Variants in KIF26B observed in about 807,000 individuals in gnomAD.
KIF26B encodes kinesin family member 26B, also known as kinesin-like protein KIF26B.
A neutral mutation model predicts 151.2 loss-of-function variants in KIF26B; 63 were observed. The observed-to-expected ratio is 0.42, with a 90% CI of 0.34 to 0.51. The LOEUF is 0.51. Among genes scored for constraint, KIF26B ranks in the 20% least tolerant of loss-of-function variants. The pLI, the probability that KIF26B is intolerant of heterozygous loss-of-function variation, is 0.07. For synonymous variants in KIF26B, 1,357 were observed against 1,262.1 expected (o/e 1.08, Z -1.59); for missense variants, 2,813 against 2,913.6 (o/e 0.97, Z 0.79).
chr1:245,317,426 G>A (rs1402459772), intron 2 of KIF26B, among the ~76,000 whole-genome samples: 1 of 152,210 alleles, frequency 6.6e-6, no homozygotes, highest in Non-Finnish European at 1.5e-5. Flanking sequence ...AGCTGGAAGG[G>A]AGGCCGTTTG....
intron 5 of KIF26B, among the ~76,000 whole-genome samples, chr1:245,571,009 T>C (rs1616300): frequency 0.76 from 115,358 of 152,164 alleles, 44,550 homozygotes; most frequent in African/African-American, 0.91. Flanking sequence ...ATGATAATAG[T>C]ATCTGCTTTC....
chr1:245,688,844 C>A (rs779118146), intron 12 of KIF26B, 37 bp downstream of exon 12: 11 of 1,527,964 alleles, frequency 7.2e-6, no homozygotes, highest in Non-Finnish European at 9.7e-6. Context: ...GTGAGGAGGG[C>A]GGCAGGTGGG....
chr1:245,379,498 G>A (rs1477150138), intron 3 of KIF26B, among the ~76,000 whole-genome samples: 1 of 147,274 alleles, frequency 6.8e-6, no homozygotes, highest in African/African-American at 2.5e-5. Flanking sequence ...TTTGGTTTGT[G>A]ATTCTTACCG....
intron 5 of KIF26B, among the ~76,000 whole-genome samples, chr1:245,573,170 A>C (rs1410957781): frequency 6.6e-6 from 1 of 152,206 alleles, no homozygotes; most frequent in Non-Finnish European, 1.5e-5. Flanking sequence ...AATTTTATCT[A>C]AATTAAAATG....
In KIF26B at chr1:245,656,798, AT is replaced by A. The variant is rs112311630; in HGVS notation, c.2258+10529del. On this transcript the variant is annotated intron_variant, in intron 10 of 14. Transcript: ENST00000407071. ...TTCAGGCCCAATTGAGCATTAACAGATTTTTTTTTTTGTTCATGCAAATGAG... is the reference window on the plus strand; with the variant it reads ...TTCAGGCCCAATTGAGCATTAACAGATTTTTTTTTTGTTCATGCAAATGAG... Among the ~76,000 whole-genome samples, 820 of 147,990 alleles carry A rather than the reference AT, an allele frequency of 5.5e-3. 3 individuals carry two copies. Among genetic ancestry groups the A allele is most frequent in the Middle Eastern group, 0.011 (3 of 282 alleles).
chr1:245,344,692 C>T (rs1237513131), intron 2 of KIF26B, among the ~76,000 whole-genome samples: 1 of 151,796 alleles, frequency 6.6e-6, no homozygotes, highest in Non-Finnish European at 1.5e-5. Flanking sequence ...TGCTGGCCTT[C>T]CGCCAGGCAG....
At chr1:245,676,594 T>C (rs2044359540) in intron 10 of KIF26B, 1 of 152,268 alleles carries the variant, frequency 6.6e-6, no homozygotes, top group African/African-American at 2.4e-5. Flanking sequence ...GAATTTTATC[T>C]TATTCAGATA....
chr1:245,219,181 C>G (rs189045095), intron 2 of KIF26B, among the ~76,000 whole-genome samples: 36 of 124,544 alleles, frequency 2.9e-4, no homozygotes, highest in African/African-American at 1.1e-3. Flanking sequence ...CTCTGTTGCC[C>G]AGGCTGGAGT....
At chr1:245,459,760 A>G (rs1659608926) in intron 4 of KIF26B, among the ~76,000 whole-genome samples, 1 of 152,144 alleles carries the variant, frequency 6.6e-6, no homozygotes, top group Admixed American at 6.5e-5. Context: ...ATAAAAACCC[A>G]ATAGTGCAGA....
intron 4 of KIF26B, among the ~76,000 whole-genome samples, chr1:245,499,317 T>C (rs1241846365): frequency 3.9e-5 from 6 of 152,098 alleles, no homozygotes; most frequent in Non-Finnish European, 7.4e-5. Context: ...TTAACCTAGG[T>C]TAATCCAACA....
chr1:245,253,553 A>G (rs1313595554), intron 2 of KIF26B, among the ~76,000 whole-genome samples: 1 of 152,004 alleles, frequency 6.6e-6, no homozygotes, highest in Non-Finnish European at 1.5e-5. Flanking sequence ...TTAGGAAATA[A>G]GTTGGGGTAT....
At chr1:245,657,426 C>T (rs925674853) in intron 10 of KIF26B, among the ~76,000 whole-genome samples, 1 of 152,162 alleles carries the variant, frequency 6.6e-6, no homozygotes, top group Non-Finnish European at 1.5e-5. Context: ...TGTTTCCTTC[C>T]GAGAACTCTT....
chr1:245,592,712 GATAAA>G (rs1163310348), intron 5 of KIF26B, among the ~76,000 whole-genome samples: 1 of 152,016 alleles, frequency 6.6e-6, no homozygotes, highest in Non-Finnish European at 1.5e-5. Context: ...TCTCCAGGTG[GATAAA>G]GCCCCCTGAT....
At chr1:245,440,748 G>A (rs917097953) in intron 4 of KIF26B, among the ~76,000 whole-genome samples, 8 of 152,150 alleles carry the variant, frequency 5.3e-5, no homozygotes, top group Non-Finnish European at 8.8e-5. Flanking sequence ...CCGTTATTCC[G>A]AGCACTTTTA....
intron 9 of KIF26B, among the ~76,000 whole-genome samples, chr1:245,626,131 T>C (rs1211596457): frequency 6.6e-6 from 1 of 152,200 alleles, no homozygotes; most frequent in African/African-American, 2.4e-5. Flanking sequence ...ATCCATCCAT[T>C]GTTGGACACT....
intron 2 of KIF26B, among the ~76,000 whole-genome samples, chr1:245,269,170 G>T (rs1022446882): frequency 7.2e-6 from 1 of 138,584 alleles, no homozygotes; most frequent in African/African-American, 2.7e-5. Flanking sequence ...TAACCAAAAT[G>T]CTGCTCCCAC....
chr1:245,325,677 C>T (rs935862938), intron 2 of KIF26B, among the ~76,000 whole-genome samples: 3 of 151,724 alleles, frequency 2.0e-5, no homozygotes, highest in African/African-American at 7.3e-5. Flanking sequence ...CATCGTTGCA[C>T]TCCAGCCTGG....
chr1:245,387,936 G>T (rs73134864), intron 3 of KIF26B, among the ~76,000 whole-genome samples: 1 of 152,070 alleles, frequency 6.6e-6, no homozygotes, highest in Non-Finnish European at 1.5e-5. Flanking sequence ...CCTGGGCTGC[G>T]TTTACTAACT....
At chr1:245,384,015 C>T (rs975577595) in intron 3 of KIF26B, among the ~76,000 whole-genome samples, 2 of 152,182 alleles carry the variant, frequency 1.3e-5, no homozygotes, top group African/African-American at 2.4e-5. Flanking sequence ...ATCTTAATTC[C>T]ATTCCCTCTT....
Sources: allele counts gnomAD v4.1 joint callset (sites outside exome capture counted in the v4.1 genomes callset), GRCh38; gene constraint gnomAD v4.1.1; transcripts MANE v1.5; gene names NCBI Gene and HGNC (gene_info 2026-07-23, HGNC 2026-07-21).